TRDN: variants seen among roughly 807,000 people sequenced by gnomAD.
The protein encoded by TRDN is triadin.
In TRDN, 161 loss-of-function variants were observed where a neutral mutation model predicts 149.7. The ratio of observed to expected loss-of-function variants is 1.08; its 90% CI spans 0.95 to 1.23. TRDN has a LOEUF of 1.23. Among genes scored for constraint, TRDN ranks in the 50% most tolerant of loss-of-function variants. The pLI is 0.00. For synonymous variants in TRDN, 294 were observed against 250.5 expected, an observed-to-expected ratio of 1.17 and a Z score of -1.64; for missense variants, 896 against 823.5, an observed-to-expected ratio of 1.09 and a Z score of -1.08.
intron 9 of TRDN, among the ~76,000 whole-genome samples, chr6:123,466,628 G>T (rs1776833440): frequency 6.7e-6 from 1 of 148,798 alleles, no homozygotes; most frequent in Non-Finnish European, 1.5e-5. Context: ...GGGTCAAAGG[G>T]ATATATACTT....
At chr6:123,343,692 G>A (rs1429594417) in intron 21 of TRDN, among the ~76,000 whole-genome samples, 1 of 151,888 alleles carries the variant, frequency 6.6e-6, no homozygotes, top group African/African-American at 2.4e-5. Context: ...GTATACATAT[G>A]TAACTAACCT....
chr6:123,633,743 G>A (rs1786138831), intron 1 of TRDN, among the ~76,000 whole-genome samples: 1 of 151,940 alleles, frequency 6.6e-6, no homozygotes, highest in African/African-American at 2.4e-5. Context: ...TCTGTATTTA[G>A]CATTATTTCC....
intron 24 of TRDN, among the ~76,000 whole-genome samples, chr6:123,314,721 C>A (rs527385545): frequency 7.9e-5 from 12 of 151,978 alleles, no homozygotes; most frequent in Non-Finnish European, 1.6e-4. Context: ...GGGCCATTAT[C>A]CTTAGGAAAC....
At chr6:123,226,176 G>A (rs1426985950) in intron 38 of TRDN, among the ~76,000 whole-genome samples, 1 of 151,612 alleles carries the variant, frequency 6.6e-6, no homozygotes, top group Non-Finnish European at 1.5e-5. Flanking sequence ...TTAAATACTG[G>A]ATAAAATGAC....
In TRDN at chr6:123,312,434, C is replaced by G. The variant is rs78826698; in HGVS notation, c.1510+4023G>C. On this transcript the variant is annotated intron_variant, in intron 24 of 40. Transcript: ENST00000334268. Reference sequence around the variant, plus strand: ...TATCATCATAGTAAATATATTTTATCTTATGATATTTTAAATAATATTTTC... The same window carrying G: ...TATCATCATAGTAAATATATTTTATGTTATGATATTTTAAATAATATTTTC... 1.9e-3 allele frequency among the ~76,000 whole-genome samples: 286 copies of G among 151,876 alleles called. 5 individuals are homozygous for G. The East Asian group carries it at 0.03, about 16-fold the overall frequency.
chr6:123,390,623 A>G (rs1782071736), intron 13 of TRDN, among the ~76,000 whole-genome samples: 2 of 152,214 alleles, frequency 1.3e-5, no homozygotes, highest in Admixed American at 1.3e-4. Context: ...CAGGCCCACA[A>G]GCTAATCAAA....
Position 123,267,746 on chromosome 6 carries a change from CT to C in TRDN, c.1743del (p.Ala582LeufsTer11). 1.9e-6 allele frequency: 3 copies of C among 1,570,068 alleles called. No individual in the cohort carries two copies. The highest frequency in any genetic ancestry group is 1.7e-6 in the Non-Finnish European group (2 of 1,157,922). Reference protein sequence around the residue: ...EKTAKPKPTKKAEHREREPPS... With the variant: ...EKTAKPKPTKXAEHREREPPS... Reference sequence around the variant, plus strand: ...GGAGGTTCTCTTTCTCGATGTTCAGCTTTTTCTAGAGAAAGAAATCAAAATT... The same window carrying C: ...GGAGGTTCTCTTTCTCGATGTTCAGCTTTTCTAGAGAAAGAAATCAAAATT... On this transcript the variant is annotated frameshift_variant, in exon 32 of 41. Transcript: ENST00000334268. LOFTEE classifies it high-confidence loss of function.
chr6:123,599,126 C>T (rs1052709833), intron 1 of TRDN, among the ~76,000 whole-genome samples: 1 of 152,060 alleles, frequency 6.6e-6, no homozygotes, highest in Admixed American at 6.6e-5. Context: ...GACAAACTCC[C>T]TAACTATTAA....
chr6:123,337,886 G>A (rs1691730443), intron 21 of TRDN, among the ~76,000 whole-genome samples: 1 of 152,068 alleles, frequency 6.6e-6, no homozygotes, highest in Non-Finnish European at 1.5e-5. Flanking sequence ...CACTAGTACA[G>A]ACTATGCCAT....
At chr6:123,356,603 A>G (rs768510235) in intron 20 of TRDN, among the ~76,000 whole-genome samples, 14 of 146,926 alleles carry the variant, frequency 9.5e-5, no homozygotes, top group Non-Finnish European at 2.0e-4. Context: ...CCATATAATG[A>G]GAGAATATTA....
chr6:123,563,711 A>G (rs1403630942), intron 2 of TRDN, among the ~76,000 whole-genome samples: 1 of 152,262 alleles, frequency 6.6e-6, no homozygotes, highest in Non-Finnish European at 1.5e-5. Context: ...AGAAGAGATA[A>G]TACAGCAATT....
intron 1 of TRDN, among the ~76,000 whole-genome samples, chr6:123,624,081 TC>T (rs113571130): frequency 0.055 from 8,378 of 152,158 alleles, 244 homozygotes; most frequent in Non-Finnish European, 0.058. Flanking sequence ...TTACATTTCA[TC>T]CTTAGAATTA....
chr6:123,437,963 T>C, intron 12 of TRDN, 100 bp downstream of exon 12: 3 of 1,033,636 alleles, frequency 2.9e-6, no homozygotes. Flanking sequence ...TGGGTAGATA[T>C]AAGTAACTGT....
At position 123,570,915 on chromosome 6, in the gene TRDN, G is replaced by T. The variant is rs371069080; in HGVS notation, c.232+8C>A. ...TTTAATTTTAAAGCCAAATTTTATG[G>T]AACTTACCTGAAAAGTTTTTGTAAT... On this transcript the variant is annotated splice_region_variant and intron_variant, in intron 2 of 40. Transcript: ENST00000334268. The T allele has an allele frequency of 6.8e-6, 11 of 1,611,780 alleles. No homozygotes were observed. The highest frequency in any genetic ancestry group is 1.6e-4 in the Middle Eastern group (1 of 6,076).
intron 9 of TRDN, chr6:123,471,908 T>C (rs945251121): frequency 1.3e-4 from 20 of 152,214 alleles, no homozygotes; most frequent in Non-Finnish European, 4.4e-5. Flanking sequence ...GAATACCTGA[T>C]GTTTGGGATA....
intron 8 of TRDN, among the ~76,000 whole-genome samples, chr6:123,499,696 T>G (rs1452120262): frequency 3.9e-5 from 1 of 25,686 alleles, no homozygotes; most frequent in African/African-American, 1.5e-4. Flanking sequence ...ATAGTGAGAT[T>G]CTGGCTCAAA....
At chr6:123,477,785 C>G (rs1777561367) in intron 9 of TRDN, among the ~76,000 whole-genome samples, 1 of 151,922 alleles carries the variant, frequency 6.6e-6, no homozygotes, top group South Asian at 2.1e-4. Context: ...TGGAAATCAT[C>G]ATTCTCAGTA....
At chr6:123,293,946 G>T (rs1328571619) in intron 24 of TRDN, among the ~76,000 whole-genome samples, 3 of 152,076 alleles carry the variant, frequency 2.0e-5, no homozygotes, top group Non-Finnish European at 2.9e-5. Flanking sequence ...AGGCAGTGAT[G>T]GGACTAGCAG....
rs1776991923 is a variant in TRDN at position 123,468,894 on chromosome 6, C to A, written c.854-3911G>T. On this transcript the variant is annotated intron_variant, in intron 9 of 40. Transcript: ENST00000334268. ...ACATTTTGGAAGGACCCCAATCCTG[C>A]AAACAATGAATGGCAATAAATCCTG... The A allele has an allele frequency of 2.0e-5, 3 of 152,084 alleles. No homozygotes were observed. In the East Asian group the frequency reaches 5.8e-4, roughly 29 times the overall value. The allele number at this position is 152,084 out of a possible 1,614,324, so 9.4% of individuals were successfully genotyped here. A position where few individuals can be genotyped will look rare whatever the true frequency, so the allele number is the denominator to read the frequency against.
Sources: gnomAD v4.1 joint callset for allele counts (sites outside exome capture counted in the v4.1 genomes callset) on GRCh38, gnomAD v4.1.1 for gene constraint, MANE v1.5 for transcripts, NCBI Gene and HGNC (gene_info 2026-07-23, HGNC 2026-07-21) for gene names.